FARS2: variants seen among roughly 807,000 people sequenced by gnomAD.
The protein encoded by FARS2 is phenylalanine--tRNA ligase, mitochondrial.
FARS2 carries 40 observed loss-of-function variants against 46.4 expected under a neutral mutation model. The ratio of observed to expected loss-of-function variants is 0.86; its 90% CI spans 0.67 to 1.12. The LOEUF (loss-of-function observed/expected upper bound fraction) is 1.12. Among genes scored for constraint, FARS2 ranks in the 50% most tolerant of loss-of-function variants. The probability of loss-of-function intolerance (pLI) is 0.00; values close to 1 mark genes in which losing one functional copy is unlikely to be tolerated. For synonymous variants in FARS2, 234 were observed against 214.9 expected (o/e 1.09, Z -0.78); for missense variants, 513 against 567.9 (o/e 0.90, Z 0.98).
intron 1 of FARS2, among the ~76,000 whole-genome samples, chr6:5,262,361 C>G (rs186436877): frequency 6.6e-6 from 1 of 152,274 alleles, no homozygotes; most frequent in Admixed American, 6.5e-5. Flanking sequence ...TCACTGCAAC[C>G]TATGCCTCCC....
chr6:5,271,839 T>A (rs1303073639), intron 1 of FARS2, among the ~76,000 whole-genome samples: 1 of 152,178 alleles, frequency 6.6e-6, no homozygotes, highest in African/African-American at 2.4e-5. Context: ...TTTTGATTAC[T>A]ATTGTTTCTT....
rs529379334 is a variant in FARS2, at chr6:5,444,784, G to T, written c.904+13612G>T. Among the ~76,000 whole-genome samples the T allele has an allele frequency of 3.4e-3, 510 of 150,922 alleles. 7 individuals carry two copies. Among genetic ancestry groups the T allele is most frequent in the African/African-American group, 0.012 (494 of 40,696 alleles). On this transcript the variant is annotated intron_variant, in intron 4 of 6. Coordinates refer to ENST00000274680, the MANE Select transcript of FARS2 (RefSeq NM_006567.5). The stretch of plus-strand genomic sequence containing the variant: ...AGGCTCATGGAAACAGTAAAATGGG[G>T]CGGGGGGGAACTGACCTAATTTTTG...
At chr6:5,388,121 A>G (rs2503808) in intron 2 of FARS2, among the ~76,000 whole-genome samples, 96,433 of 151,832 alleles carry the variant, frequency 0.64, 31,022 homozygotes, top group South Asian at 0.74. Context: ...GTTATCTTTG[A>G]CAGTGGGAGA....
chr6:5,399,127 T>TTTATTATTATTA (rs56236107), intron 2 of FARS2, among the ~76,000 whole-genome samples: 4 of 125,844 alleles, frequency 3.2e-5, no homozygotes, highest in East Asian at 2.2e-4. Context: ...TTTATATTAT[T>TTTATTATTATTA]TTATTATTAT....
chr6:5,747,060 G>A lies in FARS2; in HGVS notation c.1218-24231G>A, dbSNP rs147138406. Reference sequence around the variant, plus strand: ...GAGCATTCTAGACAGAGGGAGCAGCGGTTGCAAAGGGTATGGCGGCATCAT... The same window carrying A: ...GAGCATTCTAGACAGAGGGAGCAGCAGTTGCAAAGGGTATGGCGGCATCAT... On this transcript the variant is annotated intron_variant, in intron 6 of 6. Transcript: ENST00000274680. Among the ~76,000 whole-genome samples the A allele has an allele frequency of 1.2e-3, 179 of 152,276 alleles. 3 individuals carry two copies. The highest frequency in any genetic ancestry group is 4.0e-3 in the African/African-American group (165 of 41,546).
At chr6:5,668,850 C>T (rs544640975) in intron 6 of FARS2, among the ~76,000 whole-genome samples, 5 of 152,094 alleles carry the variant, frequency 3.3e-5, no homozygotes, top group South Asian at 4.2e-4. Flanking sequence ...CCCACCATCA[C>T]GCCCTGCTAA....
intron 4 of FARS2, among the ~76,000 whole-genome samples, chr6:5,491,636 TTTC>T (rs1767118992): frequency 1.3e-5 from 2 of 152,068 alleles, no homozygotes; most frequent in Admixed American, 1.3e-4. Flanking sequence ...GATATGAGCG[TTTC>T]TTCTTCTGCA....
chr6:5,254,165 C>T, the FARS2 span, among the ~76,000 whole-genome samples: 3 of 152,222 alleles, frequency 2.0e-5, no homozygotes, highest in Non-Finnish European at 2.9e-5. Context: ...TCAACAGAAA[C>T]GGCCCAACTG....
Position 5,269,165 on chromosome 6 carries a change from C to T in FARS2, c.-22+7505C>T, listed in dbSNP as rs545136261. Among the ~76,000 whole-genome samples, 10 of 152,214 alleles carry T rather than the reference C, an allele frequency of 6.6e-5. No homozygotes were observed. In the South Asian group the frequency reaches 1.9e-3, roughly 28 times the overall value. On this transcript the variant is annotated intron_variant, in intron 1 of 6. Coordinates refer to ENST00000274680, the MANE Select transcript of FARS2 (RefSeq NM_006567.5). ...ATGGAATACTATGCAGCCATAAAAA[C>T]GGATGAGTTCATGCCCTTTGTAGGG...
Position 5,574,173 on chromosome 6 carries a change from C to G in FARS2, c.1065+28833C>G, listed in dbSNP as rs149185420. On this transcript the variant is annotated intron_variant, in intron 5 of 6. Transcript: ENST00000274680. ...TTGAGACAGAGTCTCACTCTGTCAT[C>G]CAGGCTGGACTACAGTGGTGCGATC... 6.5e-3 allele frequency among the ~76,000 whole-genome samples: 994 copies of G among 152,204 alleles called. 12 individuals carry two copies. Among genetic ancestry groups the G allele is most frequent in the African/African-American group, 0.022 (920 of 41,520 alleles).
intron 6 of FARS2, among the ~76,000 whole-genome samples, chr6:5,642,793 A>C (rs1437056736): frequency 1.3e-5 from 2 of 152,242 alleles, no homozygotes; most frequent in Admixed American, 1.3e-4. Context: ...CGTTATTTTG[A>C]GTTCAGTCCA....
At chr6:5,563,854 A>G (rs993621683) in intron 5 of FARS2, among the ~76,000 whole-genome samples, 2 of 152,326 alleles carry the variant, frequency 1.3e-5, no homozygotes. Context: ...AATTTATTAA[A>G]GAGAGATTGT....
At chr6:5,318,104 T>C (rs1769669399) in intron 1 of FARS2, among the ~76,000 whole-genome samples, 1 of 152,066 alleles carries the variant, frequency 6.6e-6, no homozygotes, top group African/African-American at 2.4e-5. Flanking sequence ...CTCACTCCTG[T>C]AATCCCAGCA....
chr6:5,302,197 C>T (rs1768366269), intron 1 of FARS2, among the ~76,000 whole-genome samples: 1 of 152,190 alleles, frequency 6.6e-6, no homozygotes, highest in African/African-American at 2.4e-5. Context: ...CCATCCAAAC[C>T]TGTGTTGTTG....
At chr6:5,463,518 C>T (rs867137089) in intron 4 of FARS2, among the ~76,000 whole-genome samples, 9 of 152,122 alleles carry the variant, frequency 5.9e-5, no homozygotes, top group Admixed American at 2.6e-4. Context: ...TTTGTGGCCT[C>T]GTCTTTGTAA....
chr6:5,496,464 A>C (rs1037530869), intron 4 of FARS2, among the ~76,000 whole-genome samples: 2 of 152,222 alleles, frequency 1.3e-5, no homozygotes, highest in Non-Finnish European at 2.9e-5. Flanking sequence ...TGCGTGCATT[A>C]ACTTGCTACG....
chr6:5,306,296 A>G (rs1768697257), intron 1 of FARS2, among the ~76,000 whole-genome samples: 1 of 152,244 alleles, frequency 6.6e-6, no homozygotes, highest in South Asian at 2.1e-4. Flanking sequence ...TGAGGGAAGT[A>G]TTCACAGTGA....
chr6:5,548,713 TTTTTTTA>T (rs1406667173), intron 5 of FARS2, among the ~76,000 whole-genome samples: 3 of 152,304 alleles, frequency 2.0e-5, no homozygotes, highest in East Asian at 3.9e-4. Flanking sequence ...TACAACAATC[TTTTTTTA>T]TGAGACACAT....
intron 1 of FARS2, chr6:5,291,189 C>T (rs1767479666): frequency 6.6e-6 from 1 of 152,180 alleles, no homozygotes. Flanking sequence ...TAGCATTTAC[C>T]TAATAAGTTC....
Sources: allele counts gnomAD v4.1 joint callset (sites outside exome capture counted in the v4.1 genomes callset), GRCh38; gene constraint gnomAD v4.1.1; transcripts MANE v1.5; gene names NCBI Gene and HGNC (gene_info 2026-07-23, HGNC 2026-07-21).